Variants in ERCC6L2 observed in about 807,000 individuals in gnomAD.
The protein encoded by ERCC6L2 is ERCC excision repair 6 like 2, also known as DNA excision repair protein ERCC-6-like 2.
Under a neutral mutation model 132.0 loss-of-function variants are expected in ERCC6L2, and 77 were observed. The ratio of observed to expected loss-of-function variants is 0.58; its 90% CI spans 0.49 to 0.71. The LOEUF is 0.71. Among genes scored for constraint, ERCC6L2 ranks in the 30% least tolerant of loss-of-function variants. The probability of loss-of-function intolerance (pLI) is 0.00; values close to 1 mark genes in which losing one functional copy is unlikely to be tolerated. For missense variants in ERCC6L2, 1,542 were observed against 1,837.6 expected, an observed-to-expected ratio of 0.84 and a Z score of 2.94; for synonymous variants, 583 against 632.4, an observed-to-expected ratio of 0.92 and a Z score of 1.17.
rs1238470849 is a variant in ERCC6L2 at position 96,014,026 on chromosome 9, A to G, written c.*823A>G. On this transcript the variant is annotated 3_prime_UTR_variant, in exon 19 of 19. Coordinates refer to ENST00000653738, the MANE Select transcript of ERCC6L2 (RefSeq NM_020207.7). Reference sequence around the variant, plus strand: ...GTGTAATATTTATGGTTTATAGCAAAATGAATGTGCTTATTGTTGAATGCA... The same window carrying G: ...GTGTAATATTTATGGTTTATAGCAAGATGAATGTGCTTATTGTTGAATGCA... 6.6e-6 allele frequency: 1 copy of G among 152,222 alleles called. No homozygotes were observed. Among genetic ancestry groups the G allele is most frequent in the Non-Finnish European group, 1.5e-5 (1 of 68,038 alleles). 9.4% of individuals were successfully genotyped at this position (152,222 alleles called of 1,614,324 possible).
chr9:95,914,335 G>T (rs1829477551), intron 4 of ERCC6L2, among the ~76,000 whole-genome samples: 1 of 151,938 alleles, frequency 6.6e-6, no homozygotes, highest in Non-Finnish European at 1.5e-5. Flanking sequence ...TAATTGGGTT[G>T]TTTTAAATTT....
chr9:95,954,539 A>C (rs926105149), intron 12 of ERCC6L2, among the ~76,000 whole-genome samples: 2 of 152,208 alleles, frequency 1.3e-5, no homozygotes, highest in East Asian at 3.9e-4. Context: ...AAAACTCATC[A>C]CTTACAAATC....
chr9:95,992,624 C>T (rs1833341592), intron 17 of ERCC6L2, among the ~76,000 whole-genome samples: 1 of 152,162 alleles, frequency 6.6e-6, no homozygotes, highest in African/African-American at 2.4e-5. Flanking sequence ...TCAAATCTCA[C>T]AACTAGTTGT....
intron 17 of ERCC6L2, among the ~76,000 whole-genome samples, chr9:95,981,616 G>T (rs1247735392): frequency 6.6e-6 from 1 of 152,132 alleles, no homozygotes; most frequent in Non-Finnish European, 1.5e-5. Flanking sequence ...TAACAGAAGA[G>T]AAAACCTGTC....
At chr9:95,879,305 T>C (rs557671785) in intron 1 of ERCC6L2, among the ~76,000 whole-genome samples, 2 of 152,356 alleles carry the variant, frequency 1.3e-5, no homozygotes, top group East Asian at 3.9e-4. Context: ...TTTTTGACAT[T>C]AGTTTTCTTC....
At chr9:95,933,549 A>G (rs1460967235) in intron 11 of ERCC6L2, among the ~76,000 whole-genome samples, 1 of 152,104 alleles carries the variant, frequency 6.6e-6, no homozygotes. Flanking sequence ...TTGCTTATAG[A>G]AGTCTTCAGA....
intron 3 of ERCC6L2, among the ~76,000 whole-genome samples, chr9:95,900,597 A>G (rs936768728): frequency 6.6e-6 from 1 of 152,108 alleles, no homozygotes; most frequent in Non-Finnish European, 1.5e-5. Context: ...CCTTTTTGAC[A>G]ATTCTAGTTT....
chr9:96,010,662 G>A (rs1833998320), intron 18 of ERCC6L2, among the ~76,000 whole-genome samples: 1 of 152,004 alleles, frequency 6.6e-6, no homozygotes, highest in South Asian at 2.1e-4. Flanking sequence ...TATCCACCTT[G>A]CCTACCACCA....
At chr9:96,002,390 G>T (rs561852713) in intron 17 of ERCC6L2, among the ~76,000 whole-genome samples, 1 of 149,508 alleles carries the variant, frequency 6.7e-6, no homozygotes, top group Non-Finnish European at 1.5e-5. Context: ...GGATAGGATT[G>T]TGATGTTAAT....
chr9:95,939,296 T>C (rs75420714), intron 11 of ERCC6L2, among the ~76,000 whole-genome samples: 1 of 151,922 alleles, frequency 6.6e-6, no homozygotes, highest in Non-Finnish European at 1.5e-5. Flanking sequence ...TTTTTTTTTT[T>C]CCTTATGAAC....
chr9:95,921,092 T>C (rs961556056), intron 6 of ERCC6L2, 83 bp from the exon 7 acceptor site: 2 of 1,330,966 alleles, frequency 1.5e-6, no homozygotes, highest in African/African-American at 3.0e-5. Context: ...ACTGTTATAA[T>C]CTATGAAATC....
intron 17 of ERCC6L2, among the ~76,000 whole-genome samples, chr9:96,000,780 CT>C (rs1833641532): frequency 6.6e-6 from 1 of 152,182 alleles, no homozygotes; most frequent in African/African-American, 2.4e-5. Flanking sequence ...GACCCCATGT[CT>C]ATAAAATAAT....
intron 9 of ERCC6L2, among the ~76,000 whole-genome samples, chr9:95,924,097 C>G (rs778809922): frequency 6.6e-6 from 1 of 152,050 alleles, no homozygotes; most frequent in Non-Finnish European, 1.5e-5. Flanking sequence ...TTTGTAGATT[C>G]ACAGATTTTT....
chr9:95,996,006 T>G (rs1464570207), intron 17 of ERCC6L2, among the ~76,000 whole-genome samples: 1 of 152,156 alleles, frequency 6.6e-6, no homozygotes, highest in Non-Finnish European at 1.5e-5. Flanking sequence ...ATCTCTCACA[T>G]CAAAAGCTAG....
intron 1 of ERCC6L2, among the ~76,000 whole-genome samples, chr9:95,880,082 A>G (rs1404286286): frequency 1.3e-5 from 2 of 152,202 alleles, no homozygotes; most frequent in Non-Finnish European, 2.9e-5. Flanking sequence ...GAATAAGTTC[A>G]TAAAGAGAGA....
At chr9:96,010,749 T>C (rs146531274) in intron 18 of ERCC6L2, among the ~76,000 whole-genome samples, 56 of 152,292 alleles carry the variant, frequency 3.7e-4, no homozygotes, top group African/African-American at 1.3e-3. Context: ...ACATTATGGG[T>C]TTATCACTCT....
intron 18 of ERCC6L2, among the ~76,000 whole-genome samples, chr9:96,005,427 AAAAGAG>A (rs1175930709): frequency 6.6e-6 from 1 of 152,124 alleles, no homozygotes; most frequent in South Asian, 2.1e-4. Flanking sequence ...GTTATAAGAA[AAAAGAG>A]AAAGAGAATA....
intron 12 of ERCC6L2, among the ~76,000 whole-genome samples, chr9:95,948,681 C>G (rs1831178590): frequency 6.6e-6 from 1 of 150,946 alleles, no homozygotes; most frequent in Non-Finnish European, 1.5e-5. Context: ...TCCCAAGGCT[C>G]AAGACACACC....
intron 17 of ERCC6L2, among the ~76,000 whole-genome samples, chr9:96,002,282 C>T (rs1237188712): frequency 1.3e-5 from 2 of 152,178 alleles, no homozygotes; most frequent in Non-Finnish European, 2.9e-5. Flanking sequence ...TGTCACCTCT[C>T]AATAGTTTAA....
Sources: allele counts gnomAD v4.1 joint callset (sites outside exome capture counted in the v4.1 genomes callset), GRCh38; gene constraint gnomAD v4.1.1; transcripts MANE v1.5; gene names NCBI Gene and HGNC (gene_info 2026-07-23, HGNC 2026-07-21).